ARHGAP32: variants seen among roughly 807,000 people sequenced by gnomAD.
The protein encoded by ARHGAP32 is rho GTPase-activating protein 32.
A neutral mutation model predicts 186.5 loss-of-function variants in ARHGAP32; 51 were observed. The ratio of observed to expected loss-of-function variants is 0.27; its 90% CI spans 0.22 to 0.35. The LOEUF (loss-of-function observed/expected upper bound fraction) is 0.35. ARHGAP32 is among the 10% of genes least tolerant of loss of function. The pLI is 1.00. For missense variants in ARHGAP32, 2,186 were observed against 2,623.5 expected, an observed-to-expected ratio of 0.83 and a Z score of 3.64; for synonymous variants, 950 against 964.3, an observed-to-expected ratio of 0.99 and a Z score of 0.27.
At chr11:129,063,104 G>A (rs1940567692) in intron 9 of ARHGAP32, among the ~76,000 whole-genome samples, 2 of 136,952 alleles carry the variant, frequency 1.5e-5, no homozygotes, top group East Asian at 2.1e-4. Flanking sequence ...GAACTTCAGA[G>A]CAATGTTACT....
intron 1 of ARHGAP32, among the ~76,000 whole-genome samples, chr11:129,170,531 T>A (rs981329875): frequency 6.6e-6 from 1 of 152,232 alleles, no homozygotes; most frequent in African/African-American, 2.4e-5. Context: ...TATGGCTTCA[T>A]AGTATTCCAT....
chr11:129,193,731 TA>T (rs1944350117), upstream of ARHGAP32, among the ~76,000 whole-genome samples: 1 of 93,438 alleles, frequency 1.1e-5, no homozygotes, highest in Non-Finnish European at 2.0e-5. Flanking sequence ...ATATTATATA[TA>T]ATATATATTA....
chr11:128,994,848 G>A (rs694668), intron 12 of ARHGAP32, among the ~76,000 whole-genome samples: 16,920 of 151,984 alleles, frequency 0.11, 1,210 homozygotes, highest in Non-Finnish European at 0.15. Context: ...GATGAAACAG[G>A]AAATTATTTT....
intron 5 of ARHGAP32, among the ~76,000 whole-genome samples, chr11:129,094,051 T>C (rs1383456427): frequency 6.6e-6 from 1 of 152,080 alleles, no homozygotes; most frequent in Admixed American, 6.6e-5. Flanking sequence ...AGATAACAGG[T>C]TGGGCCTATG....
chr11:128,980,980 A>G (rs997249855), intron 17 of ARHGAP32, among the ~76,000 whole-genome samples: 3 of 152,372 alleles, frequency 2.0e-5, no homozygotes, highest in Middle Eastern at 3.4e-3. Context: ...TTCTTAAAAG[A>G]TATGAGAAAA....
At chr11:129,065,493 G>A (rs886693332) in intron 7 of ARHGAP32, among the ~76,000 whole-genome samples, 1 of 152,048 alleles carries the variant, frequency 6.6e-6, no homozygotes, top group African/African-American at 2.4e-5. Context: ...ATAAAAACCT[G>A]GGACCTCTTG....
chr11:129,131,303 T>C (rs531799286), intron 2 of ARHGAP32, among the ~76,000 whole-genome samples: 22 of 152,190 alleles, frequency 1.4e-4, no homozygotes, highest in African/African-American at 5.3e-4. Context: ...TAAACTTCAA[T>C]TAAAAATTAA....
intron 1 of ARHGAP32, among the ~76,000 whole-genome samples, chr11:129,264,488 A>G (rs1314192849): frequency 1.3e-5 from 2 of 152,206 alleles, no homozygotes; most frequent in Non-Finnish European, 2.9e-5. Flanking sequence ...GGCTTAGAAG[A>G]GTTCGTAGCA....
intron 5 of ARHGAP32, among the ~76,000 whole-genome samples, chr11:129,098,569 G>A (rs1378515767): frequency 6.6e-6 from 1 of 151,882 alleles, no homozygotes; most frequent in African/African-American, 2.4e-5. Context: ...ACAGGTGCCT[G>A]CCACCATGCC....
At chr11:129,249,951 A>G (rs541858974) in intron 1 of ARHGAP32, among the ~76,000 whole-genome samples, 1 of 152,048 alleles carries the variant, frequency 6.6e-6, no homozygotes, top group African/African-American at 2.4e-5. Context: ...GGTGGCTCAC[A>G]CCTGTAATCT....
rs769956226 is a variant in ARHGAP32, at chr11:128,976,604, G to A, written c.2153C>T (p.Ala718Val). Residue 718 changes from alanine (A) to valine (V), a missense_variant, in exon 20 of 23, where the codon GCT becomes GTT. Ala to Val is a moderately conservative substitution (Grantham distance 64). Transcript: ENST00000682385. The part of the protein sequence containing the change: ...GGRAEGTLRS[A>V]KSEESLTSLH... ...AGATGTAAGAGACTCCTCACTTTTA[G>A]CTGAACGGAGGGTTCCTTCTGCCCT... is the stretch of plus-strand genomic sequence containing the variant. The A allele has an allele frequency of 3.5e-5, 56 of 1,613,852 alleles. No individual in the cohort carries two copies. In the South Asian group the frequency reaches 5.7e-4, roughly 16 times the overall value.
chr11:128,992,997 T>A (rs1446329802), intron 12 of ARHGAP32, among the ~76,000 whole-genome samples: 1 of 152,210 alleles, frequency 6.6e-6, no homozygotes, highest in Non-Finnish European at 1.5e-5. Flanking sequence ...ATAATCCTGA[T>A]TGAACAGCAG....
At chr11:129,254,094 A>C (rs1785589146) in intron 1 of ARHGAP32, among the ~76,000 whole-genome samples, 1 of 152,122 alleles carries the variant, frequency 6.6e-6, no homozygotes, top group Non-Finnish European at 1.5e-5. Flanking sequence ...TTAGATGCCT[A>C]ACTCACATTC....
Position 128,997,456 on chromosome 11 carries a change from C to G in ARHGAP32, c.1195+863G>C, listed in dbSNP as rs2134728524. On this transcript the variant is annotated intron_variant, in intron 12 of 22. Transcript: ENST00000682385. ...ACCATTGTTTTTCACTAATGGTCTT[C>G]TCAAAAGGCACAATGGGTATTTCCC... Among the ~76,000 whole-genome samples, 3 of 152,280 alleles carry G rather than the reference C, an allele frequency of 2.0e-5. No homozygotes were observed. The South Asian group carries it at 6.2e-4, about 32-fold the overall frequency.
At chr11:129,041,232 T>C (rs1939579106) in intron 10 of ARHGAP32, among the ~76,000 whole-genome samples, 1 of 152,222 alleles carries the variant, frequency 6.6e-6, no homozygotes, top group Admixed American at 6.5e-5. Context: ...AATATCTAAG[T>C]CTGCTTTTTT....
Position 128,969,034 on chromosome 11 carries a change from C to A in ARHGAP32, c.6179G>T (p.Gly2060Val), listed in dbSNP as rs1325450031. The A allele has an allele frequency of 9.3e-6, 15 of 1,612,090 alleles. No homozygotes were observed. Among genetic ancestry groups the A allele is most frequent in the Non-Finnish European group, 1.3e-5 (15 of 1,178,760 alleles). Residue 2060 changes from glycine (G) to valine (V), a missense_variant, in exon 23 of 23, where the codon GGG becomes GTG. Transcript: ENST00000682385. This position sits in a 1 kb window ranked among gnomAD's most constrained non-coding sequence, Gnocchi z 4.8. The stretch of plus-strand genomic sequence containing the variant: ...GGGAAAGCCAGGGGGCACATACGTC[C>A]CCATGCCGCCCCCTCCAAAGACTCC... ...QRGVFGGGGM[G>V]TYVPPGFPHP...
intron 1 of ARHGAP32, among the ~76,000 whole-genome samples, chr11:129,273,893 T>C (rs976864174): frequency 6.6e-6 from 1 of 152,138 alleles, no homozygotes; most frequent in Non-Finnish European, 1.5e-5. Flanking sequence ...GGACATAACA[T>C]TTCCATAATG....
chr11:128,986,758 T>G, intron 13 of ARHGAP32, 90 bp from the exon 14 acceptor site: 1 of 1,291,470 alleles, frequency 7.7e-7, no homozygotes, highest in Non-Finnish European at 1.1e-6. Flanking sequence ...TCCAAAAGTG[T>G]TCAGCTCTAT....
intron 11 of ARHGAP32, among the ~76,000 whole-genome samples, chr11:129,000,758 C>T (rs776671326): frequency 5.9e-5 from 9 of 152,024 alleles, no homozygotes; most frequent in Non-Finnish European, 1.2e-4. Flanking sequence ...CCCTATTCCC[C>T]ACCCCCCCAC....
Sources: gnomAD v4.1 joint callset for allele counts (sites outside exome capture counted in the v4.1 genomes callset) on GRCh38, gnomAD v4.1.1 for gene constraint, Gnocchi (gnomAD v3.1) non-coding constraint, MANE v1.5 for transcripts, NCBI Gene and HGNC (gene_info 2026-07-23, HGNC 2026-07-21) for gene names.